Variants in COL28A1 observed in about 807,000 individuals in gnomAD.
COL28A1 encodes collagen type XXVIII alpha 1 chain, also known as collagen alpha-1(XXVIII) chain.
A neutral mutation model predicts 150.2 loss-of-function variants in COL28A1; 161 were observed. The ratio of observed to expected loss-of-function variants is 1.07; its 90% CI spans 0.94 to 1.22. COL28A1 has a LOEUF of 1.22. Ranked by LOEUF, COL28A1 falls within the 50% of genes most tolerant of loss-of-function variation. The pLI is 0.00. For missense variants in COL28A1, 1,617 were observed against 1,388.3 expected, an observed-to-expected ratio of 1.16 and a Z score of -2.62; for synonymous variants, 552 against 469.7, an observed-to-expected ratio of 1.18 and a Z score of -2.26.
At chr7:7,400,476 T>C (rs1355663037) in intron 27 of COL28A1, among the ~76,000 whole-genome samples, 2 of 152,158 alleles carry the variant, frequency 1.3e-5, no homozygotes, top group Admixed American at 6.5e-5. Flanking sequence ...CTAGGAAATG[T>C]ATTCTCCCCT....
intron 28 of COL28A1, 88 bp downstream of exon 28, chr7:7,381,456 G>T: frequency 2.3e-6 from 2 of 872,114 alleles, no homozygotes; most frequent in Non-Finnish European, 3.7e-6. Flanking sequence ...GGGGAAGAGT[G>T]ACACATATAT....
chr7:7,497,882 C>G (rs753652797), intron 11 of COL28A1, among the ~76,000 whole-genome samples: 1 of 152,142 alleles, frequency 6.6e-6, no homozygotes, highest in African/African-American at 2.4e-5. Context: ...GGTAAGTGAA[C>G]TGTACTGAGT....
chr7:7,381,612 C>T lies in COL28A1; in HGVS notation c.2137G>A (p.Gly713Arg), dbSNP rs765833313. 4 of 1,611,894 alleles carry T rather than the reference C, an allele frequency of 2.5e-6. No individual in the cohort carries two copies. The highest frequency in any genetic ancestry group is 3.4e-6 in the Non-Finnish European group (4 of 1,177,980). Residue 713 changes from glycine to arginine, a missense_variant and splice_region_variant, in exon 28 of 35, where the codon GGG becomes AGG. Gly to Arg is a moderately radical substitution (Grantham distance 125). Transcript: ENST00000399429. ...GGGAAGCCTTGTGGTCCTTGTTCCC[C>T]CTACATAGGATATGAGAAAGAGATG... Reference protein sequence around the residue: ...PPGYGSQGIKGEQGPQGFPGP... With the variant: ...PPGYGSQGIKREQGPQGFPGP...
At chr7:7,438,418 A>AG (rs375705000) in intron 21 of COL28A1, among the ~76,000 whole-genome samples, 61,966 of 152,052 alleles carry the variant, frequency 0.41, 15,580 homozygotes, top group African/African-American at 0.72. Context: ...CAGATTTTAG[A>AG]AGCAGAGGAA....
At chr7:7,449,083 T>C (rs1370152025) in intron 18 of COL28A1, among the ~76,000 whole-genome samples, 3 of 152,090 alleles carry the variant, frequency 2.0e-5, no homozygotes, top group Non-Finnish European at 2.9e-5. Context: ...TCTCAAAACA[T>C]CAAATTGTAT....
chr7:7,350,983 G>T, the COL28A1 span, among the ~76,000 whole-genome samples: 1 of 152,054 alleles, frequency 6.6e-6, no homozygotes, highest in African/African-American at 2.4e-5. Flanking sequence ...AGTCTTTGCT[G>T]TTTATGCAAT....
chr7:7,461,601 A>G (rs56058922), intron 15 of COL28A1, among the ~76,000 whole-genome samples: 58,154 of 151,932 alleles, frequency 0.38, 13,750 homozygotes, highest in African/African-American at 0.67. Flanking sequence ...GGTTAGGACT[A>G]TGACTGCTGG....
chr7:7,405,041 G>A (rs972974232), intron 27 of COL28A1, among the ~76,000 whole-genome samples: 2 of 152,094 alleles, frequency 1.3e-5, no homozygotes, highest in African/African-American at 4.8e-5. Flanking sequence ...GTGCTACCAT[G>A]CCCAGCTAAT....
intron 27 of COL28A1, among the ~76,000 whole-genome samples, chr7:7,395,137 C>T (rs1782763254): frequency 6.6e-6 from 1 of 152,044 alleles, no homozygotes; most frequent in Admixed American, 6.6e-5. Flanking sequence ...ACTAAAAATA[C>T]CAAAAATTAG....
chr7:7,422,212 G>A (rs552048342), intron 25 of COL28A1, among the ~76,000 whole-genome samples: 5 of 152,186 alleles, frequency 3.3e-5, no homozygotes, highest in South Asian at 4.2e-4. Context: ...CAAAATCATC[G>A]AAAGTTTCAT....
intron 13 of COL28A1, among the ~76,000 whole-genome samples, chr7:7,486,108 G>A (rs1223052579): frequency 2.4e-4 from 37 of 152,072 alleles, no homozygotes; most frequent in Non-Finnish European, 4.4e-5. Context: ...AATGTATTAA[G>A]TATTCTCTGA....
intron 10 of COL28A1, 38 bp from the exon 11 acceptor site, chr7:7,506,105 CA>C (rs1780795193): frequency 1.0e-6 from 1 of 990,556 alleles, no homozygotes; most frequent in Non-Finnish European, 1.6e-6. Flanking sequence ...GTTCTGTGTA[CA>C]AAAGGCCAGC....
chr7:7,443,702 T>G, intron 19 of COL28A1, 49 bp from the exon 20 acceptor site: 1 of 1,608,972 alleles, frequency 6.2e-7, no homozygotes, highest in Non-Finnish European at 8.5e-7. Flanking sequence ...GTAGACAGAC[T>G]GTACGTATCA....
chr7:7,441,514 C>A (rs903470824), intron 20 of COL28A1, among the ~76,000 whole-genome samples: 2 of 128,198 alleles, frequency 1.6e-5, no homozygotes, highest in Non-Finnish European at 3.3e-5. Flanking sequence ...ATGTACACAG[C>A]TCAACAAACG....
chr7:7,437,255 T>C (rs1775180825), intron 22 of COL28A1, 139 bp downstream of exon 22: 5 of 1,359,046 alleles, frequency 3.7e-6, no homozygotes, highest in Non-Finnish European at 4.8e-6. Context: ...AGTTTGCTTA[T>C]CTGTGAAGTT....
the COL28A1 span, among the ~76,000 whole-genome samples, chr7:7,543,843 G>A: frequency 2.0e-5 from 3 of 148,510 alleles, no homozygotes; most frequent in African/African-American, 7.3e-5. Context: ...AAATTTAGCA[G>A]TTGACCCTCA....
chr7:7,492,167 G>T (rs996890271), intron 11 of COL28A1, among the ~76,000 whole-genome samples: 2 of 152,104 alleles, frequency 1.3e-5, no homozygotes, highest in Non-Finnish European at 2.9e-5. Flanking sequence ...GGGAGATAAA[G>T]GAGTTTTCAG....
chr7:7,538,794 T>C (rs563619010), upstream of COL28A1, among the ~76,000 whole-genome samples: 67 of 152,052 alleles, frequency 4.4e-4, no homozygotes, highest in Admixed American at 8.5e-4. Flanking sequence ...GATTAAGGCA[T>C]AGTATAGTTT....
At chr7:7,418,152 A>AGTAAGCAGAGCCGCTGGGC (rs1203604624) in intron 26 of COL28A1, among the ~76,000 whole-genome samples, 3 of 152,244 alleles carry the variant, frequency 2.0e-5, no homozygotes, top group Non-Finnish European at 4.4e-5. Context: ...AAAATTAAGC[A>AGTAAGCAGAGCCGCTGGGC]GTAAGCAGAG....
Sources: gnomAD v4.1 joint callset for allele counts (sites outside exome capture counted in the v4.1 genomes callset) on GRCh38, gnomAD v4.1.1 for gene constraint, MANE v1.5 for transcripts, NCBI Gene and HGNC (gene_info 2026-07-23, HGNC 2026-07-21) for gene names.